The following LRMDA variants were observed in gnomAD, a reference collection of about 807,000 sequenced individuals.
LRMDA encodes the protein leucine rich melanocyte differentiation associated.
In LRMDA, 18 loss-of-function variants were observed where a neutral mutation model predicts 29.8. The ratio of observed to expected loss-of-function variants is 0.60; its 90% CI spans 0.42 to 0.90. The LOEUF (loss-of-function observed/expected upper bound fraction) is 0.90. Among genes scored for constraint, LRMDA ranks in the 40% least tolerant of loss-of-function variants. The pLI, the probability that LRMDA is intolerant of heterozygous loss-of-function variation, is 0.00. For synonymous variants in LRMDA, 125 were observed against 109.4 expected (o/e 1.14, Z -0.89); for missense variants, 273 against 273.9 (o/e 1.00, Z 0.02).
chr10:76,445,466 C>T (rs1466275140), intron 6 of LRMDA, among the ~76,000 whole-genome samples: 1 of 152,160 alleles, frequency 6.6e-6, no homozygotes, highest in Non-Finnish European at 1.5e-5. Flanking sequence ...CAGGGCATCA[C>T]GGATGTTTAT....
intron 6 of LRMDA, among the ~76,000 whole-genome samples, chr10:76,456,451 G>C (rs1172457603): frequency 2.6e-5 from 4 of 152,156 alleles, no homozygotes; most frequent in Non-Finnish European, 5.9e-5. Flanking sequence ...TGTGGCTCCA[G>C]AGCACATGAC....
At chr10:76,317,373 T>C (rs982126796) in intron 5 of LRMDA, among the ~76,000 whole-genome samples, 14 of 152,202 alleles carry the variant, frequency 9.2e-5, no homozygotes, top group African/African-American at 3.4e-4. Context: ...CCTCAACTCG[T>C]ATTTTTCCTC....
intron 4 of LRMDA, among the ~76,000 whole-genome samples, chr10:76,051,750 C>T (rs1479664151): frequency 6.6e-6 from 1 of 152,160 alleles, no homozygotes; most frequent in African/African-American, 2.4e-5. Context: ...AACTGAGGCT[C>T]AGAAAGGCAG....
At chr10:75,806,674 C>T (rs1181791572) in intron 2 of LRMDA, among the ~76,000 whole-genome samples, 5 of 149,452 alleles carry the variant, frequency 3.3e-5, no homozygotes, top group Non-Finnish European at 7.4e-5. Context: ...AGTGGTTCAA[C>T]TTAGAAATCC....
At chr10:76,418,190 A>G (rs1294208225) in intron 6 of LRMDA, among the ~76,000 whole-genome samples, 1 of 152,062 alleles carries the variant, frequency 6.6e-6, no homozygotes, top group Non-Finnish European at 1.5e-5. Flanking sequence ...TTTGATTGGG[A>G]TTATTTTGAA....
intron 5 of LRMDA, among the ~76,000 whole-genome samples, chr10:76,118,372 G>A (rs1849702554): frequency 6.6e-6 from 1 of 152,158 alleles, no homozygotes; most frequent in South Asian, 2.1e-4. Flanking sequence ...CTTGGGCAGA[G>A]ACATGTTTGA....
At chr10:76,069,743 T>G (rs558123414) in intron 5 of LRMDA, among the ~76,000 whole-genome samples, 2 of 152,286 alleles carry the variant, frequency 1.3e-5, no homozygotes, top group South Asian at 4.2e-4. Context: ...AGAGGCTATC[T>G]GGCTCGGTGA....
chr10:76,370,248 C>A (rs1191454460), intron 6 of LRMDA, among the ~76,000 whole-genome samples: 8 of 151,738 alleles, frequency 5.3e-5, no homozygotes, highest in Admixed American at 5.3e-4. Context: ...TAAAAAAAAA[C>A]AAAACAAACA....
intron 1 of LRMDA, among the ~76,000 whole-genome samples, chr10:75,432,033 C>T (rs908046172): frequency 2.6e-5 from 4 of 152,238 alleles, no homozygotes; most frequent in Non-Finnish European, 4.4e-5. Context: ...GCAGGCCCAG[C>T]GGACACAGTG....
intron 2 of LRMDA, among the ~76,000 whole-genome samples, chr10:75,540,193 AG>A (rs1839999807): frequency 6.6e-6 from 1 of 152,156 alleles, no homozygotes; most frequent in African/African-American, 2.4e-5. Context: ...GATGTCAGGG[AG>A]GGCTGCTCTG....
At chr10:75,810,581 A>G (rs1843940984) in intron 2 of LRMDA, among the ~76,000 whole-genome samples, 1 of 152,226 alleles carries the variant, frequency 6.6e-6, no homozygotes, top group South Asian at 2.1e-4. Flanking sequence ...CTGCAGAAAT[A>G]CCAATTTCAC....
At chr10:75,647,216 G>A (rs1318052166) in intron 2 of LRMDA, among the ~76,000 whole-genome samples, 1 of 152,142 alleles carries the variant, frequency 6.6e-6, no homozygotes, top group East Asian at 1.9e-4. Flanking sequence ...TGTACAAAGT[G>A]CAACTTTGAG....
At chr10:75,765,096 C>T (rs940204772) in intron 2 of LRMDA, among the ~76,000 whole-genome samples, 2 of 152,134 alleles carry the variant, frequency 1.3e-5, no homozygotes, top group Non-Finnish European at 2.9e-5. Flanking sequence ...TAGATGCTGA[C>T]TTGGTGAATA....
chr10:75,949,520 G>A (rs1199646112), intron 2 of LRMDA, among the ~76,000 whole-genome samples: 2 of 151,034 alleles, frequency 1.3e-5, no homozygotes, highest in African/African-American at 2.5e-5. Flanking sequence ...TAGGCACAAG[G>A]GTTGGGGGAA....
At chr10:75,659,768 T>C (rs141454669) in intron 2 of LRMDA, among the ~76,000 whole-genome samples, 1 of 152,228 alleles carries the variant, frequency 6.6e-6, no homozygotes, top group Non-Finnish European at 1.5e-5. Context: ...TGAGATTTGC[T>C]AAGAGAGTAG....
intron 5 of LRMDA, among the ~76,000 whole-genome samples, chr10:76,243,438 G>A (rs1266529273): frequency 6.6e-6 from 1 of 152,090 alleles, no homozygotes; most frequent in Non-Finnish European, 1.5e-5. Context: ...TGTAGCTTAC[G>A]TCGACACCAG....
chr10:76,052,132 AG>A (rs946275773), intron 4 of LRMDA, among the ~76,000 whole-genome samples: 5 of 152,204 alleles, frequency 3.3e-5, no homozygotes, highest in African/African-American at 1.2e-4. Context: ...TGCTGCCTTC[AG>A]GGGTCTCAGG....
intron 2 of LRMDA, among the ~76,000 whole-genome samples, chr10:75,892,294 G>A (rs528599978): frequency 2.0e-5 from 3 of 152,274 alleles, no homozygotes; most frequent in Non-Finnish European, 2.9e-5. Flanking sequence ...GTGCACACTA[G>A]GGAAACCTGG....
intron 2 of LRMDA, among the ~76,000 whole-genome samples, chr10:75,731,176 T>C (rs149399332): frequency 6.6e-6 from 1 of 152,330 alleles, no homozygotes; most frequent in East Asian, 1.9e-4. Flanking sequence ...ATTAAGCCTA[T>C]TGGATTCATA....
Sources: allele counts gnomAD v4.1 joint callset (sites outside exome capture counted in the v4.1 genomes callset), GRCh38; gene constraint gnomAD v4.1.1; transcripts MANE v1.5; gene names NCBI Gene and HGNC (gene_info 2026-07-23, HGNC 2026-07-21).